Variants in HAPLN1 observed in about 807,000 individuals in gnomAD.
The protein encoded by HAPLN1 is Cartilage link protein.
Under a neutral mutation model 36.5 loss-of-function variants are expected in HAPLN1, and 13 were observed. That is an observed-to-expected ratio of 0.36 (90% CI 0.23 to 0.57). The LOEUF (loss-of-function observed/expected upper bound fraction) is 0.57. Among genes scored for constraint, HAPLN1 ranks in the 20% least tolerant of loss-of-function variants. HAPLN1 has a pLI of 0.83. For missense variants in HAPLN1, 407 were observed against 439.7 expected (o/e 0.93, Z 0.66); for synonymous variants, 202 against 169.8 (o/e 1.19, Z -1.48).
intron 2 of HAPLN1, among the ~76,000 whole-genome samples, chr5:83,663,363 C>G (rs758410368): frequency 8.5e-5 from 13 of 152,188 alleles, no homozygotes; most frequent in Non-Finnish European, 1.9e-4. Context: ...AAGGTTCAGA[C>G]TCTGGGAAGT....
chr5:83,709,614 A>G (rs1025639329), intron 1 of HAPLN1, among the ~76,000 whole-genome samples: 1 of 152,168 alleles, frequency 6.6e-6, no homozygotes, highest in Non-Finnish European at 1.5e-5. Flanking sequence ...GAGTGAACAT[A>G]CTGTATTGGG....
Position 83,701,959 on chromosome 5 carries a change from A to C in HAPLN1, c.-27+18830T>G, listed in dbSNP as rs76607892. Among the ~76,000 whole-genome samples the C allele has an allele frequency of 5.6e-3, 811 of 145,300 alleles. 7 individuals are homozygous for C. The highest frequency in any genetic ancestry group is 0.019 in the African/African-American group (772 of 40,174). ...ACACACACACACACACACACACACA[A>C]AATCTATATGAAGTAATCGAGGTAC... On this transcript the variant is annotated intron_variant, in intron 1 of 4. Transcript: ENST00000274341.
intron 4 of HAPLN1, among the ~76,000 whole-genome samples, chr5:83,642,901 C>T (rs916628217): frequency 5.9e-5 from 9 of 152,180 alleles, no homozygotes; most frequent in Admixed American, 5.2e-4. Context: ...GGAATGCTGC[C>T]ATCTCCCTCT....
chr5:83,691,589 C>A (rs1751274668), intron 1 of HAPLN1, among the ~76,000 whole-genome samples: 1 of 151,976 alleles, frequency 6.6e-6, no homozygotes, highest in Admixed American at 6.6e-5. Flanking sequence ...CTGAAAGAAT[C>A]AAACTGTTTC....
intron 1 of HAPLN1, among the ~76,000 whole-genome samples, chr5:83,694,427 AT>A (rs1751346450): frequency 6.6e-6 from 1 of 152,014 alleles, no homozygotes; most frequent in African/African-American, 2.4e-5. Context: ...GAACAAAAAA[AT>A]AATAATATCA....
In HAPLN1 at chr5:83,641,742, A is replaced by G. The variant is rs200637837; in HGVS notation, c.819T>C (p.Asp273=). ...YLIHPTKLTY[D]EAVQACLNDG... ...CATTGAGACAAGCTTGCACCGCTTC[A>G]TCATAGGTCAGTTTGGTGGGGTGGA... is the stretch of plus-strand genomic sequence containing the variant. Residue 273 remains aspartate (D), a synonymous_variant, in exon 5 of 5, where the codon GAT becomes GAC. Transcript: ENST00000274341. The G allele has an allele frequency of 1.2e-6, 2 of 1,614,198 alleles. No homozygotes were observed.
At chr5:83,656,991 A>T (rs974462007) in intron 2 of HAPLN1, among the ~76,000 whole-genome samples, 8 of 152,212 alleles carry the variant, frequency 5.3e-5, no homozygotes, top group African/African-American at 1.7e-4. Context: ...TCTTAGTCCT[A>T]TTAAAAGCAT....
chr5:83,718,011 A>G (rs1163475686), intron 1 of HAPLN1, among the ~76,000 whole-genome samples: 1 of 152,144 alleles, frequency 6.6e-6, no homozygotes, highest in Non-Finnish European at 1.5e-5. Flanking sequence ...CCTTAGAGAA[A>G]TTTATTTCTA....
At chr5:83,712,401 T>C (rs527384590) in intron 1 of HAPLN1, among the ~76,000 whole-genome samples, 1 of 152,260 alleles carries the variant, frequency 6.6e-6, no homozygotes, top group South Asian at 2.1e-4. Flanking sequence ...TACATTATTT[T>C]AAAATATTTT....
intron 4 of HAPLN1, among the ~76,000 whole-genome samples, chr5:83,643,593 T>C (rs968006999): frequency 6.6e-6 from 1 of 152,112 alleles, no homozygotes; most frequent in Admixed American, 6.5e-5. Flanking sequence ...CTCCACATTT[T>C]CTTTCCTTTT....
intron 2 of HAPLN1, among the ~76,000 whole-genome samples, chr5:83,656,932 A>G (rs1471427772): frequency 1.3e-5 from 2 of 152,172 alleles, no homozygotes; most frequent in Admixed American, 6.5e-5. Flanking sequence ...GACAAGCACA[A>G]CTGGAGAAAA....
chr5:83,653,962 T>C (rs1293597790), intron 2 of HAPLN1, among the ~76,000 whole-genome samples: 4 of 152,270 alleles, frequency 2.6e-5, no homozygotes, highest in Admixed American at 2.0e-4. Flanking sequence ...CTACCAAAGC[T>C]GCCCTTCACA....
chr5:83,700,231 C>T (rs184180235), intron 1 of HAPLN1, among the ~76,000 whole-genome samples: 187 of 150,906 alleles, frequency 1.2e-3, no homozygotes, highest in Non-Finnish European at 2.0e-3. Context: ...ACCACCACCA[C>T]CACAACAAAA....
chr5:83,647,552 G>A (rs1025317888), intron 3 of HAPLN1, among the ~76,000 whole-genome samples: 1 of 152,120 alleles, frequency 6.6e-6, no homozygotes, highest in Non-Finnish European at 1.5e-5. Flanking sequence ...GGCTAGTTAA[G>A]ATTTTAACAT....
intron 2 of HAPLN1, among the ~76,000 whole-genome samples, chr5:83,672,742 T>C (rs1008013181): frequency 6.6e-6 from 1 of 152,230 alleles, no homozygotes; most frequent in East Asian, 1.9e-4. Flanking sequence ...CCTTTTTTAA[T>C]TATTCAGCAT....
intron 1 of HAPLN1, among the ~76,000 whole-genome samples, chr5:83,711,274 G>C (rs1751779123): frequency 6.6e-6 from 1 of 152,098 alleles, no homozygotes; most frequent in Non-Finnish European, 1.5e-5. Context: ...GGACTTTTAA[G>C]AAATATGGTA....
In HAPLN1 at chr5:83,640,559, T is replaced by C. The variant is rs1580112885; in HGVS notation, c.*937A>G. 2.0e-5 allele frequency: 3 copies of C among 152,316 alleles called. No homozygotes were observed. The highest frequency in any genetic ancestry group is 6.8e-3 in the Middle Eastern group (2 of 294). The allele number at this position is 152,316 out of a possible 1,614,324, so 9.4% of individuals were successfully genotyped here. ...TTTCATATAATGTAAATATGAAATA[T>C]TAAATCAGTTTAAAGTTATTTTTAT... On this transcript the variant is annotated 3_prime_UTR_variant, in exon 5 of 5. Transcript: ENST00000274341.
intron 1 of HAPLN1, among the ~76,000 whole-genome samples, chr5:83,691,466 T>C (rs1751271363): frequency 6.6e-6 from 1 of 152,076 alleles, no homozygotes; most frequent in Non-Finnish European, 1.5e-5. Context: ...AGCCTCATAA[T>C]TCTTGGAGAA....
chr5:83,673,141 C>T (rs1444367823), intron 2 of HAPLN1, among the ~76,000 whole-genome samples: 1 of 152,146 alleles, frequency 6.6e-6, no homozygotes, highest in Non-Finnish European at 1.5e-5. Context: ...TTATGGCCTC[C>T]ATTTTACTTG....
Sources: allele counts gnomAD v4.1 joint callset (sites outside exome capture counted in the v4.1 genomes callset), GRCh38; gene constraint gnomAD v4.1.1; transcripts MANE v1.5; gene names NCBI Gene and HGNC (gene_info 2026-07-23, HGNC 2026-07-21).